ADAMTS16: variants seen among roughly 807,000 people sequenced by gnomAD.
The protein encoded by ADAMTS16 is ADAM metallopeptidase with thrombospondin type 1 motif 16.
A neutral mutation model predicts 145.8 loss-of-function variants in ADAMTS16; 94 were observed. The ratio of observed to expected loss-of-function variants is 0.64; its 90% CI spans 0.55 to 0.77. The LOEUF is 0.77. Among genes scored for constraint, ADAMTS16 ranks in the 30% least tolerant of loss-of-function variants. ADAMTS16 has a pLI of 0.00. For synonymous variants in ADAMTS16, 659 were observed against 604.3 expected, an observed-to-expected ratio of 1.09 and a Z score of -1.33; for missense variants, 1,585 against 1,591.5, an observed-to-expected ratio of 1.00 and a Z score of 0.07.
At chr5:5,239,419 G>T in intron 15 of ADAMTS16, 145 bp downstream of exon 15, 1 of 1,326,868 alleles carries the variant, frequency 7.5e-7, no homozygotes. Context: ...TGCTTCTCGA[G>T]CCTCTTGCTT....
At chr5:5,140,800 C>T (rs761592236) in intron 2 of ADAMTS16, 34 bp downstream of exon 2, 4 of 1,510,248 alleles carry the variant, frequency 2.6e-6, no homozygotes. Flanking sequence ...CTAATCCTTG[C>T]CATTTAGCAG....
intron 3 of ADAMTS16, among the ~76,000 whole-genome samples, chr5:5,166,636 ATAG>A (rs1734891894): frequency 1.3e-5 from 2 of 152,192 alleles, no homozygotes; most frequent in African/African-American, 4.8e-5. Flanking sequence ...TTCCAGAGTG[ATAG>A]TAGCCAGATG....
intron 20 of ADAMTS16, 89 bp downstream of exon 20, chr5:5,303,855 C>T (rs1739906499): frequency 7.1e-6 from 10 of 1,416,044 alleles, no homozygotes; most frequent in Admixed American, 4.1e-5. Flanking sequence ...TCTCACTTCT[C>T]TCTCTTCTCC....
At chr5:5,178,786 A>G (rs747849948) in intron 3 of ADAMTS16, among the ~76,000 whole-genome samples, 1 of 152,156 alleles carries the variant, frequency 6.6e-6, no homozygotes, top group Non-Finnish European at 1.5e-5. Flanking sequence ...CCTGGGGGAA[A>G]GGAGAGATGG....
intron 4 of ADAMTS16, among the ~76,000 whole-genome samples, chr5:5,185,367 C>G (rs1735468240): frequency 6.6e-6 from 1 of 152,204 alleles, no homozygotes; most frequent in Admixed American, 6.5e-5. Flanking sequence ...GAGGCATCCA[C>G]TAAACCTAAT....
At chr5:5,272,068 T>C (rs1289906762) in intron 18 of ADAMTS16, among the ~76,000 whole-genome samples, 1 of 152,174 alleles carries the variant, frequency 6.6e-6, no homozygotes, top group Non-Finnish European at 1.5e-5. Context: ...TGCTTATCTC[T>C]TTTCGATCTG....
At position 5,286,884 on chromosome 5, in the gene ADAMTS16, G is replaced by A. The variant is rs4701696; in HGVS notation, c.2790-16384G>A. On this transcript the variant is annotated intron_variant, in intron 18 of 22. Coordinates refer to ENST00000274181, the MANE Select transcript of ADAMTS16 (RefSeq NM_139056.4). ...AAAAAAAAAAAAAAAAAAAAAAAAA[G>A]AGTTTTTATAACCCTTTAGTATGTG... Among the ~76,000 whole-genome samples the A allele has an allele frequency of 2.1e-3, 249 of 115,990 alleles. 24 individuals carry two copies. The highest frequency in any genetic ancestry group is 4.4e-3 in the African/African-American group (129 of 29,192). 76.1% of individuals were successfully genotyped at this position (115,990 alleles called of 152,430 possible).
intron 2 of ADAMTS16, 99 bp downstream of exon 2, chr5:5,140,865 T>C (rs894900931): frequency 1.1e-5 from 13 of 1,173,210 alleles, no homozygotes; most frequent in Non-Finnish European, 1.3e-5. Flanking sequence ...CACGACTCTG[T>C]GGAACCCTAC....
At chr5:5,144,065 T>C (rs781388930) in intron 2 of ADAMTS16, among the ~76,000 whole-genome samples, 3 of 152,100 alleles carry the variant, frequency 2.0e-5, no homozygotes, top group South Asian at 2.1e-4. Flanking sequence ...CCATGATACA[T>C]GTATACCTAT....
intron 3 of ADAMTS16, among the ~76,000 whole-genome samples, chr5:5,172,017 T>A (rs1458137160): frequency 6.6e-6 from 1 of 152,174 alleles, no homozygotes; most frequent in African/African-American, 2.4e-5. Flanking sequence ...TGTCTAGGAA[T>A]GTATCCATTT....
intron 11 of ADAMTS16, among the ~76,000 whole-genome samples, chr5:5,227,186 C>A (rs1463142639): frequency 2.0e-5 from 3 of 152,250 alleles, no homozygotes; most frequent in Non-Finnish European, 4.4e-5. Flanking sequence ...CTATGATGCC[C>A]ATTTGATGAC....
At chr5:5,189,203 C>T (rs1229797271) in intron 6 of ADAMTS16, among the ~76,000 whole-genome samples, 1 of 152,134 alleles carries the variant, frequency 6.6e-6, no homozygotes, top group African/African-American at 2.4e-5. Flanking sequence ...TGGTGTTGTC[C>T]CACCAGCCAT....
intron 20 of ADAMTS16, among the ~76,000 whole-genome samples, chr5:5,304,126 G>A (rs1193124195): frequency 6.6e-6 from 1 of 152,206 alleles, no homozygotes; most frequent in Admixed American, 6.5e-5. Flanking sequence ...CACATTCCAG[G>A]AAATGCGCGG....
intron 10 of ADAMTS16, among the ~76,000 whole-genome samples, chr5:5,215,638 A>G (rs1736401374): frequency 6.6e-6 from 1 of 150,716 alleles, no homozygotes; most frequent in South Asian, 2.1e-4. Context: ...CTCCAGTCTC[A>G]TCGCTCACTG....
intron 18 of ADAMTS16, among the ~76,000 whole-genome samples, chr5:5,298,156 G>A (rs896834475): frequency 1.3e-5 from 2 of 152,192 alleles, no homozygotes; most frequent in Admixed American, 1.3e-4. Context: ...TGGGAGGGAT[G>A]AGCTGGCATG....
At chr5:5,275,625 C>T in intron 18 of ADAMTS16, among the ~76,000 whole-genome samples, 1 of 152,094 alleles carries the variant, frequency 6.6e-6, no homozygotes. Context: ...ATAGTTTCTG[C>T]ATAAATTGTT....
chr5:5,246,944 A>G (rs1737460856), intron 17 of ADAMTS16, among the ~76,000 whole-genome samples: 2 of 152,196 alleles, frequency 1.3e-5, no homozygotes, highest in South Asian at 4.1e-4. Context: ...AACTGTGAGA[A>G]TTCAGAGAGA....
At position 5,238,457 on chromosome 5, in the gene ADAMTS16, T is replaced by C. The variant is rs572285638; in HGVS notation, c.2155-694T>C. 3.9e-5 allele frequency among the ~76,000 whole-genome samples: 6 copies of C among 152,326 alleles called. No individual in the cohort carries two copies. In the South Asian group the frequency reaches 1.2e-3, roughly 32 times the overall value. The stretch of plus-strand genomic sequence containing the variant: ...CATTTCATACGTCACCTTTTAGACA[T>C]AGGTCTAAAATTTTAATTTTAGAAA... On this transcript the variant is annotated intron_variant, in intron 14 of 22. Transcript: ENST00000274181.
intron 3 of ADAMTS16, among the ~76,000 whole-genome samples, chr5:5,148,230 C>G (rs1026076706): frequency 6.6e-6 from 1 of 152,184 alleles, no homozygotes; most frequent in Non-Finnish European, 1.5e-5. Flanking sequence ...TAGATGGTCA[C>G]TACAAATGAG....
Sources: allele counts gnomAD v4.1 joint callset (sites outside exome capture counted in the v4.1 genomes callset), GRCh38; gene constraint gnomAD v4.1.1; transcripts MANE v1.5; gene names NCBI Gene and HGNC (gene_info 2026-07-23, HGNC 2026-07-21).